Variants in CLIP2 observed in about 807,000 individuals in gnomAD.
The protein encoded by CLIP2 is CAP-Gly domain containing linker protein 2.
Under a neutral mutation model 111.7 loss-of-function variants are expected in CLIP2, and 41 were observed. That is an observed-to-expected ratio of 0.37 (90% CI 0.29 to 0.48). The LOEUF is 0.48. Ranked by LOEUF, CLIP2 falls within the 20% of genes least tolerant of loss-of-function variation. The pLI is 0.99. For missense variants in CLIP2, 1,160 were observed against 1,422.1 expected, an observed-to-expected ratio of 0.82 and a Z score of 2.96; for synonymous variants, 660 against 644.2, an observed-to-expected ratio of 1.02 and a Z score of -0.37.
chr7:74,402,391 C>G (rs1562735083), intron 16 of CLIP2, among the ~76,000 whole-genome samples: 1 of 151,230 alleles, frequency 6.6e-6, no homozygotes, highest in Non-Finnish European at 1.5e-5. Flanking sequence ...GTGGCGCACA[C>G]CTGTAATCCC....
intron 1 of CLIP2, among the ~76,000 whole-genome samples, chr7:74,308,862 T>TA (rs1381698808): frequency 6.6e-6 from 1 of 151,744 alleles, no homozygotes; most frequent in East Asian, 1.9e-4. Context: ...CGGCCCTTTT[T>TA]AAAAAATTTT....
chr7:74,353,435 G>A (rs1790067482), intron 3 of CLIP2, among the ~76,000 whole-genome samples: 1 of 152,046 alleles, frequency 6.6e-6, no homozygotes, highest in South Asian at 2.1e-4. Context: ...ATTTATAGTA[G>A]AGACGGAGTT....
At chr7:74,374,854 G>A (rs1479286108) in intron 9 of CLIP2, among the ~76,000 whole-genome samples, 12 of 152,092 alleles carry the variant, frequency 7.9e-5, no homozygotes, top group Non-Finnish European at 1.2e-4. Context: ...GACCATCAAC[G>A]TGATCAAGGT....
At chr7:74,318,583 G>A (rs1348010892) in intron 2 of CLIP2, among the ~76,000 whole-genome samples, 2 of 152,008 alleles carry the variant, frequency 1.3e-5, no homozygotes, top group African/African-American at 4.8e-5. Context: ...CATGGTGGCG[G>A]GCGCCTATAG....
chr7:74,296,804 A>AAAG (rs1788181632), intron 1 of CLIP2, among the ~76,000 whole-genome samples: 1 of 151,250 alleles, frequency 6.6e-6, no homozygotes, highest in Non-Finnish European at 1.5e-5. Flanking sequence ...AAAAAAAAAA[A>AAAG]AGAGAAAAGA....
In CLIP2 at chr7:74,333,436, G is replaced by A. The variant is rs576316206; in HGVS notation, c.122-5012G>A. Among the ~76,000 whole-genome samples, 267 of 151,342 alleles carry A rather than the reference G, an allele frequency of 1.8e-3. 1 individual carries two copies. In the Middle Eastern group the frequency reaches 0.02, roughly 12 times the overall value. On this transcript the variant is annotated intron_variant, in intron 2 of 16. Coordinates refer to ENST00000223398, the MANE Select transcript of CLIP2 (RefSeq NM_003388.5). The stretch of plus-strand genomic sequence containing the variant: ...TGACCTCAGGTGATCCACCCACCTC[G>A]GCCTCCCAAAGTGCTGGGATTACAG...
At chr7:74,312,929 G>A (rs570105146) in intron 1 of CLIP2, among the ~76,000 whole-genome samples, 4 of 152,110 alleles carry the variant, frequency 2.6e-5, no homozygotes, top group Non-Finnish European at 4.4e-5. Context: ...ATGCCCTCAC[G>A]CACATTCCTG....
intron 13 of CLIP2, among the ~76,000 whole-genome samples, chr7:74,391,184 T>A (rs11979074): frequency 0.18 from 27,685 of 152,156 alleles, 2,711 homozygotes; most frequent in African/African-American, 0.21. Flanking sequence ...CCATGTTCCA[T>A]CTTTGCAATT....
intron 9 of CLIP2, 23 bp downstream of exon 9, chr7:74,373,059 C>G: frequency 6.6e-7 from 1 of 1,520,082 alleles, no homozygotes. Context: ...CCGCACCCGC[C>G]TGGCCCGCCA....
intron 2 of CLIP2, among the ~76,000 whole-genome samples, chr7:74,334,122 C>G (rs1472383038): frequency 6.6e-6 from 1 of 152,208 alleles, no homozygotes; most frequent in Non-Finnish European, 1.5e-5. Flanking sequence ...CCAGACTTGG[C>G]TCGCCCTGGC....
intron 3 of CLIP2, among the ~76,000 whole-genome samples, chr7:74,343,182 C>T (rs1429203261): frequency 2.6e-5 from 4 of 151,004 alleles, no homozygotes; most frequent in Middle Eastern, 3.2e-3. Context: ...AGCAAGACTC[C>T]GTCTCAAAAA....
At chr7:74,393,317 C>T (rs1233799705) in intron 13 of CLIP2, among the ~76,000 whole-genome samples, 2 of 148,936 alleles carry the variant, frequency 1.3e-5, no homozygotes, top group African/African-American at 2.5e-5. Context: ...CATGAGCCAC[C>T]GCACTGGGCC....
chr7:74,379,560 T>G (rs1554313541), intron 10 of CLIP2, among the ~76,000 whole-genome samples: 1 of 151,898 alleles, frequency 6.6e-6, no homozygotes, highest in African/African-American at 2.4e-5. Flanking sequence ...GTCAGGAGTT[T>G]GAGACCAGCC....
chr7:74,399,635 G>T (rs1009470550), intron 14 of CLIP2, among the ~76,000 whole-genome samples: 5 of 151,574 alleles, frequency 3.3e-5, no homozygotes, highest in Non-Finnish European at 7.4e-5. Flanking sequence ...CACCTCCCGG[G>T]TTCAAGCGAT....
At chr7:74,362,641 TCTC>T (rs1424523861) in intron 7 of CLIP2, among the ~76,000 whole-genome samples, 1 of 150,976 alleles carries the variant, frequency 6.6e-6, no homozygotes, top group Non-Finnish European at 1.5e-5. Flanking sequence ...TTCAAGCAAT[TCTC>T]CTGCCTCAGC....
At chr7:74,300,838 A>G (rs1318725766) in intron 1 of CLIP2, among the ~76,000 whole-genome samples, 1 of 152,110 alleles carries the variant, frequency 6.6e-6, no homozygotes, top group Non-Finnish European at 1.5e-5. Flanking sequence ...CCCTTGACGG[A>G]CACATATGTT....
At chr7:74,292,953 G>A (rs1280086759) in intron 1 of CLIP2, among the ~76,000 whole-genome samples, 1 of 152,164 alleles carries the variant, frequency 6.6e-6, no homozygotes, top group Non-Finnish European at 1.5e-5. Flanking sequence ...GTCCAAACAC[G>A]CTATCTAGCT....
intron 3 of CLIP2, among the ~76,000 whole-genome samples, chr7:74,351,983 G>A (rs947403460): frequency 9.2e-5 from 14 of 152,168 alleles, no homozygotes; most frequent in Admixed American, 2.0e-4. Context: ...GCCAATGGCC[G>A]CACTCCAGAG....
At chr7:74,358,354 C>CT (rs1207562869) in intron 6 of CLIP2, among the ~76,000 whole-genome samples, 2 of 151,736 alleles carry the variant, frequency 1.3e-5, no homozygotes, top group South Asian at 4.2e-4. Flanking sequence ...CCCAGCCCTG[C>CT]TTTTTTATTT....
Sources: gnomAD v4.1 joint callset for allele counts (sites outside exome capture counted in the v4.1 genomes callset) on GRCh38, gnomAD v4.1.1 for gene constraint, MANE v1.5 for transcripts, NCBI Gene and HGNC (gene_info 2026-07-23, HGNC 2026-07-21) for gene names.